Variants in DPP10 observed in about 807,000 individuals in gnomAD.
DPP10 encodes the protein dipeptidyl peptidase like 10.
Under a neutral mutation model 120.9 loss-of-function variants are expected in DPP10, and 33 were observed. The ratio of observed to expected loss-of-function variants is 0.27; its 90% CI spans 0.21 to 0.37. The LOEUF is 0.37. Ranked by LOEUF, DPP10 falls within the 10% of genes least tolerant of loss-of-function variation. The pLI is 1.00. For synonymous variants in DPP10, 337 were observed against 326.1 expected (o/e 1.03, Z -0.36); for missense variants, 816 against 942.8 (o/e 0.87, Z 1.76).
At chr2:115,727,511 C>G (rs1478777896) in intron 7 of DPP10, among the ~76,000 whole-genome samples, 1 of 151,906 alleles carries the variant, frequency 6.6e-6, no homozygotes, top group Non-Finnish European at 1.5e-5. Context: ...ATCTCAAAGC[C>G]AAAACAATTT....
At chr2:114,949,721 G>A (rs1222112522) in intron 1 of DPP10, among the ~76,000 whole-genome samples, 1 of 152,122 alleles carries the variant, frequency 6.6e-6, no homozygotes, top group South Asian at 2.1e-4. Context: ...CTTCTGTTTG[G>A]TCTCTCTCAG....
intron 1 of DPP10, among the ~76,000 whole-genome samples, chr2:115,227,055 A>G (rs1323723900): frequency 6.6e-6 from 1 of 152,164 alleles, no homozygotes; most frequent in Non-Finnish European, 1.5e-5. Flanking sequence ...CTATGTTTGT[A>G]GGTTGTTCTC....
intron 1 of DPP10, among the ~76,000 whole-genome samples, chr2:115,188,942 T>C (rs1234533693): frequency 2.0e-5 from 3 of 152,174 alleles, no homozygotes; most frequent in African/African-American, 7.2e-5. Flanking sequence ...TGCACATCTA[T>C]ACAAATGCAA....
At chr2:115,289,203 A>T (rs1177938706) in intron 1 of DPP10, among the ~76,000 whole-genome samples, 1 of 152,088 alleles carries the variant, frequency 6.6e-6, no homozygotes, top group African/African-American at 2.4e-5. Flanking sequence ...AACTGGAAAA[A>T]AATGAAATAC....
chr2:115,644,188 G>A (rs887444098), intron 5 of DPP10, among the ~76,000 whole-genome samples: 1 of 151,976 alleles, frequency 6.6e-6, no homozygotes, highest in African/African-American at 2.4e-5. Context: ...TATACTTTAA[G>A]TTCTAGGGTA....
intron 1 of DPP10, among the ~76,000 whole-genome samples, chr2:114,727,421 T>C (rs1009013567): frequency 2.0e-5 from 3 of 152,178 alleles, no homozygotes; most frequent in Non-Finnish European, 4.4e-5. Context: ...ATTTAGTTTC[T>C]AGTTAATAAG....
At chr2:115,589,172 C>G (rs573396224) in intron 5 of DPP10, among the ~76,000 whole-genome samples, 1 of 152,136 alleles carries the variant, frequency 6.6e-6, no homozygotes, top group Admixed American at 6.5e-5. Flanking sequence ...TTAGTAACCA[C>G]GAAACTCCTG....
chr2:115,340,445 T>C (rs1055580413), intron 2 of DPP10, among the ~76,000 whole-genome samples: 2 of 152,018 alleles, frequency 1.3e-5, no homozygotes, highest in Non-Finnish European at 1.5e-5. Flanking sequence ...AGCCTTAATA[T>C]TGTGAAATGT....
chr2:115,781,121 G>A lies in DPP10; in HGVS notation c.1483+126G>A, dbSNP rs561540541. The A allele has an allele frequency of 7.1e-6, 5 of 700,314 alleles. No individual in the cohort carries two copies. In the East Asian group the frequency reaches 1.6e-4, roughly 23 times the overall value. 43.4% of individuals were successfully genotyped at this position (700,314 alleles called of 1,614,324 possible). ...TTAATTTATAAATTTTTGTTAATAGGATATACATTATATATAGACTTACTG... is the reference window on the plus strand; with the variant it reads ...TTAATTTATAAATTTTTGTTAATAGAATATACATTATATATAGACTTACTG... On this transcript the variant is annotated intron_variant, in intron 16 of 25. Coordinates refer to ENST00000410059, the MANE Select transcript of DPP10 (RefSeq NM_020868.6).
chr2:115,762,487 T>G (rs1199526424), intron 11 of DPP10, 85 bp from the exon 12 acceptor site: 1 of 1,422,754 alleles, frequency 7.0e-7, no homozygotes, highest in Non-Finnish European at 9.9e-7. Flanking sequence ...GAAAAAAAAC[T>G]GATAACCGTG....
chr2:114,482,688 T>C (rs1409752152), intron 1 of DPP10, among the ~76,000 whole-genome samples: 1 of 152,162 alleles, frequency 6.6e-6, no homozygotes, highest in Non-Finnish European at 1.5e-5. Flanking sequence ...AAAAGTCTTG[T>C]TTATTGCTAT....
chr2:115,368,267 G>A (rs914448169), intron 3 of DPP10, among the ~76,000 whole-genome samples: 5 of 152,090 alleles, frequency 3.3e-5, no homozygotes, highest in Admixed American at 3.3e-4. Flanking sequence ...AGTCTACAGT[G>A]TGCCATATTT....
At chr2:115,755,902 A>T (rs1679331946) in intron 11 of DPP10, among the ~76,000 whole-genome samples, 1 of 148,130 alleles carries the variant, frequency 6.8e-6, no homozygotes, top group South Asian at 2.2e-4. Context: ...TATACTTTTT[A>T]AAAAGTATAT....
chr2:115,467,220 G>A (rs1012540202), intron 3 of DPP10, among the ~76,000 whole-genome samples: 5 of 152,032 alleles, frequency 3.3e-5, no homozygotes, highest in Non-Finnish European at 7.4e-5. Flanking sequence ...ACACACACAT[G>A]CACATGTGTA....
intron 1 of DPP10, among the ~76,000 whole-genome samples, chr2:115,285,540 A>G (rs1021630964): frequency 6.6e-6 from 1 of 152,094 alleles, no homozygotes; most frequent in Non-Finnish European, 1.5e-5. Flanking sequence ...AGAAAAGGCA[A>G]CCCATTGTTA....
At chr2:115,183,955 C>T (rs568469027) in intron 1 of DPP10, among the ~76,000 whole-genome samples, 1 of 152,220 alleles carries the variant, frequency 6.6e-6, no homozygotes, top group East Asian at 1.9e-4. Context: ...TTGCAGAGCT[C>T]CTGGGGGAGA....
chr2:115,345,703 T>C (rs1280302195), intron 3 of DPP10, among the ~76,000 whole-genome samples: 1 of 152,172 alleles, frequency 6.6e-6, no homozygotes, highest in Non-Finnish European at 1.5e-5. Context: ...TATAACTGAC[T>C]CTGTGATATT....
intron 1 of DPP10, among the ~76,000 whole-genome samples, chr2:114,791,187 T>C (rs1277291721): frequency 6.6e-6 from 1 of 152,142 alleles, no homozygotes; most frequent in African/African-American, 2.4e-5. Flanking sequence ...TGGGACTTAA[T>C]TTCTCCATTT....
chr2:114,615,982 A>G (rs956471956), intron 1 of DPP10, among the ~76,000 whole-genome samples: 4 of 152,118 alleles, frequency 2.6e-5, no homozygotes, highest in African/African-American at 9.7e-5. Context: ...GAGCCCAACT[A>G]TCTATTTCTA....
Sources: allele counts gnomAD v4.1 joint callset (sites outside exome capture counted in the v4.1 genomes callset), GRCh38; gene constraint gnomAD v4.1.1; transcripts MANE v1.5; gene names NCBI Gene and HGNC (gene_info 2026-07-23, HGNC 2026-07-21).